CCND3: variants seen among roughly 807,000 people sequenced by gnomAD.
CCND3 encodes the protein cyclin D3.
In CCND3, 9 loss-of-function variants were observed where a neutral mutation model predicts 28.7. The observed-to-expected ratio is 0.31, with a 90% CI of 0.19 to 0.55. The LOEUF is 0.55. Ranked by LOEUF, CCND3 falls within the 20% of genes least tolerant of loss-of-function variation. The pLI, the probability that CCND3 is intolerant of heterozygous loss-of-function variation, is 0.93. For synonymous variants in CCND3, 164 were observed against 163.9 expected (o/e 1.00, Z 0.00); for missense variants, 315 against 385.8 (o/e 0.82, Z 1.54).
intron 1 of CCND3, among the ~76,000 whole-genome samples, chr6:42,014,004 G>A (rs1282527314): frequency 6.0e-5 from 9 of 148,998 alleles, no homozygotes; most frequent in African/African-American, 2.2e-4. Flanking sequence ...CCCGGGAGGC[G>A]GAGGTTGCAG....
intron 1 of CCND3, among the ~76,000 whole-genome samples, chr6:41,988,916 G>A (rs1416270509): frequency 6.6e-6 from 1 of 151,290 alleles, no homozygotes; most frequent in Non-Finnish European, 1.5e-5. Flanking sequence ...AGCCAGGATG[G>A]TCTCGATCTC....
chr6:41,967,749 G>A (rs1205786798), intron 1 of CCND3, among the ~76,000 whole-genome samples: 2 of 152,124 alleles, frequency 1.3e-5, no homozygotes, highest in Admixed American at 6.6e-5. Flanking sequence ...ATTTTAGTGC[G>A]TCAAAGTGAC....
At chr6:41,946,497 A>T (rs535221097), upstream of CCND3, among the ~76,000 whole-genome samples, 5 of 144,448 alleles carry the variant, frequency 3.5e-5, no homozygotes, top group South Asian at 4.6e-4. Context: ...GCTACTCAGG[A>T]GGCTGAGGCA....
Position 41,995,321 on chromosome 6 carries a change from G to A in CCND3, c.-46+53180C>T, listed in dbSNP as rs930315158. On this transcript the variant is annotated intron_variant, in intron 1 of 4. Transcript: ENST00000372988. Reference sequence around the variant, plus strand: ...CGCCCAGGCTGGAGTGCAGTGGTGCGATCTCAGCGCGCTGCCACCTCCACC... The same window carrying A: ...CGCCCAGGCTGGAGTGCAGTGGTGCAATCTCAGCGCGCTGCCACCTCCACC... Among the ~76,000 whole-genome samples the A allele has an allele frequency of 4.6e-5, 7 of 151,994 alleles. No individual in the cohort carries two copies. In the East Asian group the frequency reaches 9.7e-4, roughly 21 times the overall value.
intron 1 of CCND3, among the ~76,000 whole-genome samples, chr6:41,964,485 AAT>A (rs1491520500): frequency 1.1e-4 from 10 of 89,014 alleles, no homozygotes; most frequent in Non-Finnish European, 1.7e-4. Context: ...AGTGTGTGTG[AAT>A]GTGTGTGTGT....
chr6:41,989,485 A>G (rs2127415667), intron 1 of CCND3, among the ~76,000 whole-genome samples: 1 of 151,758 alleles, frequency 6.6e-6, no homozygotes, highest in African/African-American at 2.4e-5. Context: ...AAAAACAGAA[A>G]AGAAAACAAC....
rs1776036705 is a variant in CCND3, at chr6:41,941,751, A to T, written c.-102T>A. ...GCGCGGGTCTGGCGCTGGCGCTGGCACTGCGCGGCGGATCCCCAGCCCGCC... is the reference window on the plus strand; with the variant it reads ...GCGCGGGTCTGGCGCTGGCGCTGGCTCTGCGCGGCGGATCCCCAGCCCGCC... On this transcript the variant is annotated 5_prime_UTR_variant, in exon 1 of 5. Transcript: ENST00000372991. This position sits in a 1 kb window ranked among gnomAD's most constrained non-coding sequence, Gnocchi z 6.1. 1 of 822,080 alleles carries T rather than the reference A, an allele frequency of 1.2e-6. No homozygotes were observed. Among genetic ancestry groups the T allele is most frequent in the Non-Finnish European group, 1.6e-6 (1 of 619,212 alleles). 50.9% of individuals were successfully genotyped at this position (822,080 alleles called of 1,614,324 possible).
At chr6:41,959,696 G>A (rs1482777855) in intron 1 of CCND3, among the ~76,000 whole-genome samples, 1 of 130,662 alleles carries the variant, frequency 7.7e-6, no homozygotes, top group Non-Finnish European at 1.6e-5. Flanking sequence ...GGCCAGGCGC[G>A]GTGGCTCACA....
intron 1 of CCND3, among the ~76,000 whole-genome samples, chr6:42,002,798 G>C (rs1763052216): frequency 1.3e-5 from 2 of 151,856 alleles, no homozygotes; most frequent in Admixed American, 6.6e-5. Flanking sequence ...AGCTTGCAGT[G>C]AGCCAAGGTC....
At chr6:41,966,388 T>C (rs1449300818) in intron 1 of CCND3, among the ~76,000 whole-genome samples, 1 of 151,864 alleles carries the variant, frequency 6.6e-6, no homozygotes, top group Non-Finnish European at 1.5e-5. Context: ...ACCACTACAC[T>C]CTAGCCTGGG....
chr6:42,028,918 C>T (rs888298596), intron 1 of CCND3, among the ~76,000 whole-genome samples: 4 of 151,854 alleles, frequency 2.6e-5, no homozygotes, highest in African/African-American at 9.7e-5. Flanking sequence ...GGGTCCCATG[C>T]TCAGGACGGG....
At chr6:42,021,242 T>C (rs4711700) in intron 1 of CCND3, among the ~76,000 whole-genome samples, 151,638 of 152,354 alleles carry the variant, frequency 1, 75,468 homozygotes, top group Middle Eastern at 1. Context: ...TTGGTATGTA[T>C]GTATAGGAAG....
In CCND3 at chr6:41,954,250, T is replaced by TAAAAAAAAAAAAAA. The variant is rs34556754; in HGVS notation, c.-45-13679_-45-13666dup. On this transcript the variant is annotated intron_variant, in intron 1 of 4. Coordinates refer to the CCND3 transcript ENST00000372988. Reference sequence around the variant, plus strand: ...TGGGGTACAGAGCAAGATTCTGCCTTAAAAAAAAAAAAAAAAAAAAAAAAA... The same window carrying TAAAAAAAAAAAAAA: ...TGGGGTACAGAGCAAGATTCTGCCTTAAAAAAAAAAAAAAAAAAAAAAAAAAAAAAAAAAAAAAA... Among the ~76,000 whole-genome samples the TAAAAAAAAAAAAAA allele has an allele frequency of 7.0e-3, 245 of 35,140 alleles. 6 individuals are homozygous for TAAAAAAAAAAAAAA. Among genetic ancestry groups the TAAAAAAAAAAAAAA allele is most frequent in the South Asian group, 0.021 (26 of 1,238 alleles). 23.1% of individuals were successfully genotyped at this position (35,140 alleles called of 152,430 possible).
rs1775918243 is a variant in CCND3 at position 41,939,461 on chromosome 6, G to A, written c.414+909C>T. On this transcript the variant is annotated intron_variant, in intron 2 of 4. Transcript: ENST00000372991. The surrounding 1 kb of genome is among the most constrained non-coding windows in gnomAD (Gnocchi z 4.2). ...CTCTTCCAGATCCAGCAGCTCCCCCGCCTCCTCCCCAGGCTCCTTCTGAGG... is the reference window on the plus strand; with the variant it reads ...CTCTTCCAGATCCAGCAGCTCCCCCACCTCCTCCCCAGGCTCCTTCTGAGG... 6.6e-6 allele frequency among the ~76,000 whole-genome samples: 1 copy of A among 151,990 alleles called. No homozygotes were observed. Among genetic ancestry groups the A allele is most frequent in the Non-Finnish European group, 1.5e-5 (1 of 67,984 alleles).
At chr6:41,994,703 A>C (rs1762745006) in intron 1 of CCND3, among the ~76,000 whole-genome samples, 1 of 152,096 alleles carries the variant, frequency 6.6e-6, no homozygotes, top group Non-Finnish European at 1.5e-5. Context: ...GAAGCTGTGC[A>C]TGTATGGCGT....
At chr6:41,940,247 C>T in intron 2 of CCND3, 123 bp downstream of exon 2, 4 of 855,198 alleles carry the variant, frequency 4.7e-6, no homozygotes, top group Non-Finnish European at 5.8e-6. Flanking sequence ...ATTCCTTTCC[C>T]AAAGGTCCTG....
At chr6:42,001,015 C>T (rs1000648203) in intron 1 of CCND3, among the ~76,000 whole-genome samples, 2 of 151,712 alleles carry the variant, frequency 1.3e-5, no homozygotes, top group Middle Eastern at 3.4e-3. Flanking sequence ...GCGGGCAGAT[C>T]ACCTGGGGTC....
intron 1 of CCND3, among the ~76,000 whole-genome samples, chr6:42,011,927 GTAGCC>G (rs1167509301): frequency 6.6e-6 from 1 of 152,148 alleles, no homozygotes; most frequent in African/African-American, 2.4e-5. Flanking sequence ...CCTGAGCAAG[GTAGCC>G]TTTCCATGCC....
intron 1 of CCND3, among the ~76,000 whole-genome samples, chr6:42,003,162 CA>C (rs55721061): frequency 1.1e-4 from 12 of 110,336 alleles, no homozygotes; most frequent in African/African-American, 1.0e-4. Context: ...AACAGCGTGT[CA>C]AAAAAAAAAA....
Sources: allele counts gnomAD v4.1 joint callset (sites outside exome capture counted in the v4.1 genomes callset), GRCh38; gene constraint gnomAD v4.1.1; non-coding constraint Gnocchi (gnomAD v3.1); transcripts MANE v1.5; gene names NCBI Gene and HGNC (gene_info 2026-07-23, HGNC 2026-07-21).